SLC22A16: variants seen among roughly 807,000 people sequenced by gnomAD.
SLC22A16 encodes the protein solute carrier family 22 member 16.
A neutral mutation model predicts 52.9 loss-of-function variants in SLC22A16; 53 were observed. The observed-to-expected ratio is 1.00, with a 90% CI of 0.80 to 1.26. The LOEUF (loss-of-function observed/expected upper bound fraction) is 1.26. SLC22A16 is among the 50% of genes most tolerant of loss of function. SLC22A16 has a pLI of 0.00. For synonymous variants in SLC22A16, 291 were observed against 268.8 expected (o/e 1.08, Z -0.81); for missense variants, 726 against 704.0 (o/e 1.03, Z -0.35).
intron 7 of SLC22A16, among the ~76,000 whole-genome samples, chr6:110,428,509 G>A (rs1482514562): frequency 6.6e-6 from 1 of 152,188 alleles, no homozygotes; most frequent in Non-Finnish European, 1.5e-5. Flanking sequence ...TTTAAGGCGC[G>A]TGACCCTGGG....
intron 1 of SLC22A16, among the ~76,000 whole-genome samples, chr6:110,461,829 CT>C (rs1775896615): frequency 6.6e-6 from 1 of 152,154 alleles, no homozygotes; most frequent in South Asian, 2.1e-4. Flanking sequence ...AGAATACAAA[CT>C]TTAAAAGTTT....
At chr6:110,475,672 A>G (rs1002030694) in intron 1 of SLC22A16, among the ~76,000 whole-genome samples, 3 of 152,220 alleles carry the variant, frequency 2.0e-5, no homozygotes, top group African/African-American at 7.2e-5. Flanking sequence ...GGTAAGTAGC[A>G]GGCCAGGATC....
intron 1 of SLC22A16, 143 bp downstream of exon 1, chr6:110,476,378 GC>G: frequency 7.3e-7 from 1 of 1,365,866 alleles, no homozygotes; most frequent in South Asian, 1.8e-5. Flanking sequence ...GCGTCTGGAC[GC>G]CCGTGTCCCG....
intron 1 of SLC22A16, among the ~76,000 whole-genome samples, chr6:110,470,421 C>G (rs765488605): frequency 1.3e-5 from 2 of 152,162 alleles, no homozygotes; most frequent in Non-Finnish European, 2.9e-5. Flanking sequence ...TAGTCTCTAC[C>G]TGGAACAGCT....
chr6:110,456,856 T>C lies in SLC22A16; in HGVS notation c.215A>G (p.Glu72Gly). The change falls in exon 2 of 8, where the codon GAG (glutamate) becomes GGG (glycine). Residue 72 changes from glutamate (E) to glycine (G), a missense_variant. Physicochemically the swap from Glu to Gly is moderately conservative, Grantham distance 98. Coordinates refer to ENST00000368919, the MANE Select transcript of SLC22A16 (RefSeq NM_033125.4). The stretch of plus-strand genomic sequence containing the variant: ...TGAAGACAACAGGGCCCCGGTGTCC[T>C]CCAAACTCCAATTAGAGTGATTATG... ...VFHNHSNWSL[E>G]DTGALLSSGQ... The C allele has an allele frequency of 6.2e-7, 1 of 1,614,078 alleles. No individual in the cohort carries two copies.
At chr6:110,464,931 A>G (rs1416983644) in intron 1 of SLC22A16, among the ~76,000 whole-genome samples, 1 of 152,038 alleles carries the variant, frequency 6.6e-6, no homozygotes, top group African/African-American at 2.4e-5. Context: ...CATCAAAAAG[A>G]TAATCCATCA....
intron 1 of SLC22A16, among the ~76,000 whole-genome samples, chr6:110,465,933 A>G (rs893522117): frequency 6.6e-6 from 1 of 152,164 alleles, no homozygotes; most frequent in Non-Finnish European, 1.5e-5. Flanking sequence ...TGGTACACAA[A>G]TCGACACACA....
In SLC22A16 at chr6:110,470,577, C is replaced by T. The variant is rs1308536940; in HGVS notation, c.53+5945G>A. On this transcript the variant is annotated intron_variant, in intron 1 of 7. Coordinates refer to ENST00000368919, the MANE Select transcript of SLC22A16 (RefSeq NM_033125.4). ...TTCAGTTAGTTTCTACCTTCCTGGC[C>T]TCAGTTTTTTTCTTCCTCAGCCAGT... 3.3e-5 allele frequency among the ~76,000 whole-genome samples: 5 copies of T among 152,132 alleles called. No homozygotes were observed. In the East Asian group the frequency reaches 9.6e-4, roughly 29 times the overall value.
chr6:110,454,524 C>T (rs942582579), intron 2 of SLC22A16, among the ~76,000 whole-genome samples: 1 of 128,782 alleles, frequency 7.8e-6, no homozygotes, highest in East Asian at 2.1e-4. Flanking sequence ...CTTCTTTATT[C>T]CTTTACTTTC....
intron 2 of SLC22A16, among the ~76,000 whole-genome samples, chr6:110,454,705 G>T: frequency 3.3e-4 from 18 of 54,346 alleles, no homozygotes; most frequent in Admixed American, 9.4e-4. Context: ...TATATTTTTT[G>T]TATATATATT....
At chr6:110,425,145 G>T in intron 7 of SLC22A16, 60 bp from the exon 8 acceptor site, 1 of 1,596,648 alleles carries the variant, frequency 6.3e-7, no homozygotes, top group South Asian at 1.1e-5. Context: ...ACCCTTCGGA[G>T]AATAGAATTT....
chr6:110,447,317 T>C (rs1775216386), intron 2 of SLC22A16, among the ~76,000 whole-genome samples: 1 of 152,150 alleles, frequency 6.6e-6, no homozygotes, highest in Non-Finnish European at 1.5e-5. Flanking sequence ...CTCTGTGGGA[T>C]CATCTTCCCT....
intron 5 of SLC22A16, among the ~76,000 whole-genome samples, chr6:110,437,428 A>G (rs1774778588): frequency 6.6e-6 from 1 of 152,152 alleles, no homozygotes; most frequent in Non-Finnish European, 1.5e-5. Context: ...AAGTTCTCTC[A>G]AATTGGCAGA....
At chr6:110,456,406 A>G (rs1461997741) in intron 2 of SLC22A16, 132 bp downstream of exon 2, 2 of 1,114,524 alleles carry the variant, frequency 1.8e-6, no homozygotes, top group Non-Finnish European at 2.6e-6. Flanking sequence ...ATAATGGATC[A>G]GCAAAGAGGT....
chr6:110,446,975 C>T lies in SLC22A16; in HGVS notation c.549G>A (p.Val183=), dbSNP rs370675903. ...GYFSDRLGRR[V]VLWATSSSMF... ...TGCTACTGCTTGTGGCCCACAAGAC[C>T]ACCCGGCGTCCTAGCCTGAAAAATA... The change falls in exon 3 of 8, where the codon GTG becomes GTA. Residue 183 remains valine (V), a synonymous_variant. Transcript: ENST00000368919. 2 of 1,613,486 alleles carry T rather than the reference C, an allele frequency of 1.2e-6. No homozygotes were observed. Among genetic ancestry groups the T allele is most frequent in the East Asian group, 2.2e-5 (1 of 44,878 alleles).
intron 1 of SLC22A16, among the ~76,000 whole-genome samples, chr6:110,474,046 C>T (rs187037608): frequency 9.2e-5 from 14 of 152,208 alleles, no homozygotes; most frequent in East Asian, 1.9e-4. Flanking sequence ...AGATCAGCGG[C>T]GGCATTAGAT....
At position 110,442,782 on chromosome 6, in the gene SLC22A16, A is replaced by C; in HGVS notation, c.652-7T>G. On this transcript the variant is annotated splice_polypyrimidine_tract_variant and splice_region_variant and intron_variant, in intron 3 of 7. Transcript: ENST00000368919. ...CAAGATAGCCACTTGCAACCTGAAA[A>C]ACAAATAATAGGGATTTATATTCAA... 6.2e-7 allele frequency: 1 copy of C among 1,609,086 alleles called. No homozygotes were observed. Among genetic ancestry groups the C allele is most frequent in the Non-Finnish European group, 8.5e-7 (1 of 1,177,832 alleles).
intron 2 of SLC22A16, among the ~76,000 whole-genome samples, chr6:110,453,861 C>T (rs556712486): frequency 5.8e-4 from 88 of 152,284 alleles, no homozygotes; most frequent in African/African-American, 2.0e-3. Context: ...GGCTTTCATG[C>T]TACATTACAA....
At chr6:110,448,126 G>T (rs184065213) in intron 2 of SLC22A16, among the ~76,000 whole-genome samples, 4 of 152,264 alleles carry the variant, frequency 2.6e-5, no homozygotes, top group Admixed American at 2.6e-4. Flanking sequence ...CAATGTATGA[G>T]GGTTTTGATT....
Sources: allele counts gnomAD v4.1 joint callset (sites outside exome capture counted in the v4.1 genomes callset), GRCh38; gene constraint gnomAD v4.1.1; transcripts MANE v1.5; gene names NCBI Gene and HGNC (gene_info 2026-07-23, HGNC 2026-07-21).